Variants in PCDHA3 observed in about 807,000 individuals in gnomAD.
PCDHA3 encodes the protein protocadherin alpha 3, also known as protocadherin alpha-3.
Under a neutral mutation model 62.2 loss-of-function variants are expected in PCDHA3, and 41 were observed. That is an observed-to-expected ratio of 0.66 (90% CI 0.51 to 0.86). The LOEUF is 0.86. Among genes scored for constraint, PCDHA3 ranks in the 40% least tolerant of loss-of-function variants. The probability of loss-of-function intolerance (pLI) is 0.00; values close to 1 mark genes in which losing one functional copy is unlikely to be tolerated. For missense variants in PCDHA3, 1,304 were observed against 1,241.2 expected, an observed-to-expected ratio of 1.05 and a Z score of -0.76; for synonymous variants, 640 against 555.4, an observed-to-expected ratio of 1.15 and a Z score of -2.14.
chr5:140,814,203 A>T (rs1765458548), intron 1 of PCDHA3: 1 of 150,724 alleles, frequency 6.6e-6, no homozygotes. Flanking sequence ...TATTTTTTTC[A>T]CTTTTACTTA....
chr5:140,858,325 G>A, intron 1 of PCDHA3: 1 of 1,596,768 alleles, frequency 6.3e-7, no homozygotes, highest in Non-Finnish European at 8.6e-7. Context: ...TGTGTTCTGG[G>A]GAGGGCCTGC....
chr5:140,852,691 T>A, intron 1 of PCDHA3: 2 of 974,798 alleles, frequency 2.1e-6, no homozygotes, highest in Non-Finnish European at 2.5e-6. Flanking sequence ...TATAGTCTTA[T>A]ACTTTCAAGT....
rs991591970 is a variant in PCDHA3, at chr5:140,855,546, A to G, written c.2394+51955A>G. Reference sequence around the variant, plus strand: ...GAAAGAGAAGTAAGTTAAGTGTCAGAACTTAAATGGAACTAAAGTTGTCAT... The same window carrying G: ...GAAAGAGAAGTAAGTTAAGTGTCAGGACTTAAATGGAACTAAAGTTGTCAT... On this transcript the variant is annotated intron_variant, in intron 1 of 3. Coordinates refer to ENST00000522353, the MANE Select transcript of PCDHA3 (RefSeq NM_018906.3). Among the ~76,000 whole-genome samples the G allele has an allele frequency of 1.2e-4, 18 of 150,024 alleles. 2 individuals carry two copies. The highest frequency in any genetic ancestry group is 1.8e-4 in the Non-Finnish European group (12 of 67,114).
At chr5:140,926,185 GCAGCACTT>G (rs1563077744) in intron 1 of PCDHA3, among the ~76,000 whole-genome samples, 1 of 151,672 alleles carries the variant, frequency 6.6e-6, no homozygotes, top group East Asian at 1.9e-4. Flanking sequence ...AAAGCCCCCC[GCAGCACTT>G]CTTTCGGGGG....
rs1466426021 is a variant in PCDHA3 at position 140,917,334 on chromosome 5, G to C, written c.2395-61615G>C. On this transcript the variant is annotated intron_variant, in intron 1 of 3. Transcript: ENST00000522353. ...TTGGTGTTCATGTGGCGGGGGAGGG[G>C]GGGGATGGTGTAGGCTTCTGTTCCA... Among the ~76,000 whole-genome samples the C allele has an allele frequency of 4.7e-5, 7 of 147,744 alleles. 2 individuals carry two copies. The highest frequency in any genetic ancestry group is 1.4e-4 in the Admixed American group (2 of 14,792).
At chr5:140,962,585 T>C (rs2095694248) in intron 1 of PCDHA3, among the ~76,000 whole-genome samples, 1 of 152,216 alleles carries the variant, frequency 6.6e-6, no homozygotes, top group South Asian at 2.1e-4. Flanking sequence ...ATGCCAAATA[T>C]TTGACTGATA....
At position 140,845,912 on chromosome 5, in the gene PCDHA3, C is replaced by A. The variant is rs186058718; in HGVS notation, c.2394+42321C>A. On this transcript the variant is annotated intron_variant, in intron 1 of 3. Transcript: ENST00000522353. ...AGTCGTTATGGCCTTCCATATTAAT[C>A]TTATTTTTGTGTAAAACTATCTTCT... Among the ~76,000 whole-genome samples, 208 of 149,552 alleles carry A rather than the reference C, an allele frequency of 1.4e-3. 17 individuals are homozygous for A. The Middle Eastern group carries it at 0.024, about 17-fold the overall frequency.
chr5:140,805,130 C>T, intron 1 of PCDHA3: 1 of 1,579,476 alleles, frequency 6.3e-7, no homozygotes, highest in Non-Finnish European at 8.6e-7. Flanking sequence ...TTGGCAAAGA[C>T]ATTTTGAAGA....
chr5:140,849,632 A>G lies in PCDHA3; in HGVS notation c.2394+46041A>G, dbSNP rs2150443246. On this transcript the variant is annotated intron_variant, in intron 1 of 3. Transcript: ENST00000522353. ...TGATTAGTGTGATCGACCTAGACGCAGATGCCAACGGGCAGGTTACCTGCT... is the reference window on the plus strand; with the variant it reads ...TGATTAGTGTGATCGACCTAGACGCGGATGCCAACGGGCAGGTTACCTGCT... The G allele has an allele frequency of 2.5e-6, 4 of 1,598,772 alleles. No homozygotes were observed. In the South Asian group the frequency reaches 4.4e-5, roughly 18 times the overall value.
chr5:140,853,726 C>T lies in PCDHA3; in HGVS notation c.2394+50135C>T, dbSNP rs545120074. 3.5e-4 allele frequency: 346 copies of T among 988,324 alleles called. 23 individuals are homozygous for T. The highest frequency in any genetic ancestry group is 4.1e-4 in the Non-Finnish European group (339 of 820,418). The allele number at this position is 988,324 out of a possible 1,614,324, so 61.2% of individuals were successfully genotyped here. On this transcript the variant is annotated intron_variant, in intron 1 of 3. Transcript: ENST00000522353. ...CATTAGCATTAGCAGCACCTAAGTC[C>T]TCATTGAATGTTCTGGTTCAAGGCT...
At chr5:140,903,942 A>G (rs1279645269) in intron 1 of PCDHA3, among the ~76,000 whole-genome samples, 5 of 152,212 alleles carry the variant, frequency 3.3e-5, no homozygotes, top group African/African-American at 1.2e-4. Flanking sequence ...TACCTCTTAA[A>G]TACTGGAAAA....
chr5:140,833,812 C>G (rs1772666935), intron 1 of PCDHA3, among the ~76,000 whole-genome samples: 1 of 152,102 alleles, frequency 6.6e-6, no homozygotes, highest in Admixed American at 6.6e-5. Flanking sequence ...TTCTTGAGAT[C>G]CTGGGTCCCT....
chr5:140,832,888 A>G (rs1772201614), intron 1 of PCDHA3, among the ~76,000 whole-genome samples: 2 of 152,142 alleles, frequency 1.3e-5, no homozygotes, highest in Non-Finnish European at 2.9e-5. Flanking sequence ...AAATGGAAAG[A>G]GTTTTCCCTG....
At chr5:140,985,373 C>T (rs1228293287) in intron 3 of PCDHA3, among the ~76,000 whole-genome samples, 1 of 152,106 alleles carries the variant, frequency 6.6e-6, no homozygotes, top group Non-Finnish European at 1.5e-5. Flanking sequence ...TTATCTGGGT[C>T]TATATAATCC....
At chr5:140,852,838 C>A in intron 1 of PCDHA3, 1 of 968,954 alleles carries the variant, frequency 1.0e-6, no homozygotes, top group Non-Finnish European at 1.2e-6. Context: ...CTCCTTAGAG[C>A]TAGTACTTAC....
chr5:140,994,417 T>C (rs1401833924), intron 3 of PCDHA3, among the ~76,000 whole-genome samples: 1 of 152,078 alleles, frequency 6.6e-6, no homozygotes, highest in East Asian at 1.9e-4. Context: ...ATACTGGATA[T>C]TGAGGCCGGG....
chr5:140,851,380 C>G, intron 1 of PCDHA3: 1 of 976,622 alleles, frequency 1.0e-6, no homozygotes, highest in Non-Finnish European at 1.2e-6. Context: ...TGTTCAGCAA[C>G]CTTCAGTATC....
At chr5:140,917,324 C>CGGT (rs2078038330) in intron 1 of PCDHA3, among the ~76,000 whole-genome samples, 1 of 76,126 alleles carries the variant, frequency 1.3e-5, no homozygotes, top group Admixed American at 1.5e-4. Flanking sequence ...GTTCATGTGG[C>CGGT]GGGGGAGGGG....
chr5:140,892,772 C>G (rs1053940130), intron 1 of PCDHA3, among the ~76,000 whole-genome samples: 1 of 152,144 alleles, frequency 6.6e-6, no homozygotes, highest in African/African-American at 2.4e-5. Context: ...ACTCTTCTAG[C>G]TTCTTGAAAA....
Sources: allele counts gnomAD v4.1 joint callset (sites outside exome capture counted in the v4.1 genomes callset), GRCh38; gene constraint gnomAD v4.1.1; transcripts MANE v1.5; gene names NCBI Gene and HGNC (gene_info 2026-07-23, HGNC 2026-07-21).